Variants in PPP2R2B observed in about 807,000 individuals in gnomAD.
The protein encoded by PPP2R2B is serine/threonine-protein phosphatase 2A 55 kDa regulatory subunit B beta isoform.
Under a neutral mutation model 46.0 loss-of-function variants are expected in PPP2R2B, and 5 were observed. The observed-to-expected ratio is 0.11, with a 90% confidence interval of 0.06 to 0.23. The LOEUF is 0.23. Among genes scored for constraint, PPP2R2B ranks in the 10% least tolerant of loss-of-function variants. The pLI, the probability that PPP2R2B is intolerant of heterozygous loss-of-function variation, is 1.00. For missense variants in PPP2R2B, 367 were observed against 575.0 expected (o/e 0.64, Z 3.70); for synonymous variants, 215 against 206.7 (o/e 1.04, Z -0.34).
intron 2 of PPP2R2B, among the ~76,000 whole-genome samples, chr5:147,077,318 C>A (rs183966367): frequency 5.0e-5 from 7 of 141,004 alleles, no homozygotes; most frequent in South Asian, 2.2e-4. Flanking sequence ...ACACCCACAC[C>A]CACACCCCTA....
At chr5:146,972,259 T>G (rs147327883) in intron 1 of PPP2R2B, among the ~76,000 whole-genome samples, 14 of 152,324 alleles carry the variant, frequency 9.2e-5, no homozygotes, top group Non-Finnish European at 1.9e-4. Flanking sequence ...TCATGTCATA[T>G]CAGATGGTAG....
At chr5:146,818,446 C>G (rs1439099957) in intron 2 of PPP2R2B, among the ~76,000 whole-genome samples, 3 of 152,122 alleles carry the variant, frequency 2.0e-5, no homozygotes. Context: ...TTTCTCCTCA[C>G]TCTTATTCCA....
intron 1 of PPP2R2B, among the ~76,000 whole-genome samples, chr5:147,021,561 C>T (rs1456350997): frequency 6.6e-6 from 1 of 152,124 alleles, no homozygotes; most frequent in Non-Finnish European, 1.5e-5. Context: ...GAGAGAGCTT[C>T]CATGTGAGAT....
chr5:147,027,888 G>T (rs553890224), intron 1 of PPP2R2B, among the ~76,000 whole-genome samples: 127 of 152,260 alleles, frequency 8.3e-4, no homozygotes, highest in Non-Finnish European at 1.5e-3. Flanking sequence ...TGGTGCTTAA[G>T]TGTCTCTTTT....
intron 1 of PPP2R2B, among the ~76,000 whole-genome samples, chr5:147,008,265 C>T (rs1230706148): frequency 6.6e-6 from 1 of 152,060 alleles, no homozygotes; most frequent in Non-Finnish European, 1.5e-5. Context: ...GACTTTTTGT[C>T]AGGCTCTAGT....
intron 2 of PPP2R2B, chr5:146,856,630 G>A (rs1582280702): frequency 2.2e-6 from 3 of 1,387,254 alleles, no homozygotes; most frequent in Non-Finnish European, 3.1e-6. Context: ...AGGTAGTGAT[G>A]CTTCAACTTT....
chr5:146,600,227 G>A, intron 8 of PPP2R2B, 64 bp downstream of exon 8: 3 of 1,546,606 alleles, frequency 1.9e-6, no homozygotes, highest in Admixed American at 1.9e-5. Flanking sequence ...TTGGAAGCAG[G>A]GGCTGACTTA....
chr5:147,071,675 C>A (rs1757604792), intron 2 of PPP2R2B, among the ~76,000 whole-genome samples: 1 of 152,120 alleles, frequency 6.6e-6, no homozygotes, highest in African/African-American at 2.4e-5. Flanking sequence ...GCTCAAATGT[C>A]ATCTTTTGCA....
At chr5:146,665,427 T>A (rs1380013849) in intron 5 of PPP2R2B, among the ~76,000 whole-genome samples, 2 of 152,236 alleles carry the variant, frequency 1.3e-5, no homozygotes, top group Non-Finnish European at 2.9e-5. Flanking sequence ...CCAAATTTTT[T>A]ATTCTGCAGC....
rs114881776 is a variant in PPP2R2B at position 146,605,904 on chromosome 5, C to T, written c.791-5444G>A. 8.5e-3 allele frequency among the ~76,000 whole-genome samples: 1,290 copies of T among 152,118 alleles called. 24 individuals are homozygous for T. Among genetic ancestry groups the T allele is most frequent in the African/African-American group, 0.029 (1,200 of 41,484 alleles). ...GGCTATCTTATGTGCCTTGTGTAGA[C>T]GTGTTTTCTGTTATAACATGTACAG... On this transcript the variant is annotated intron_variant, in intron 7 of 9. Coordinates refer to ENST00000394411, the MANE Select transcript of PPP2R2B (RefSeq NM_181675.4).
chr5:147,020,755 A>G (rs1755222927), intron 1 of PPP2R2B, among the ~76,000 whole-genome samples: 1 of 152,164 alleles, frequency 6.6e-6, no homozygotes, highest in African/African-American at 2.4e-5. Flanking sequence ...TCTAATGAGA[A>G]CAGTACTGAT....
chr5:146,694,811 A>G (rs976072332), intron 4 of PPP2R2B, among the ~76,000 whole-genome samples: 1 of 152,078 alleles, frequency 6.6e-6, no homozygotes, highest in Non-Finnish European at 1.5e-5. Context: ...TTTCTTTTAT[A>G]TTTATGTATA....
intron 2 of PPP2R2B, among the ~76,000 whole-genome samples, chr5:146,855,642 T>C (rs1760614379): frequency 6.6e-6 from 1 of 152,192 alleles, no homozygotes; most frequent in Non-Finnish European, 1.5e-5. Flanking sequence ...CTTCTGAATG[T>C]TGTACTCTTT....
chr5:146,820,690 C>T (rs1758202674), intron 2 of PPP2R2B, among the ~76,000 whole-genome samples: 1 of 152,132 alleles, frequency 6.6e-6, no homozygotes, highest in Non-Finnish European at 1.5e-5. Context: ...ACACTGATAT[C>T]TCCATGTGGA....
chr5:147,029,843 C>A (rs993703535), intron 1 of PPP2R2B, among the ~76,000 whole-genome samples: 2 of 152,176 alleles, frequency 1.3e-5, no homozygotes, highest in Admixed American at 1.3e-4. Context: ...GCACCTTAAT[C>A]TAGCCTCTGG....
chr5:146,593,067 A>C lies in PPP2R2B; in HGVS notation c.961-5T>G. 1 of 1,603,174 alleles carries C rather than the reference A, an allele frequency of 6.2e-7. No individual in the cohort carries two copies. Among genetic ancestry groups the C allele is most frequent in the Admixed American group, 1.7e-5 (1 of 60,010 alleles). Reference sequence around the variant, plus strand: ...GCTGCGGAGGTAGTCATGAACCTGGAGAGGAAACATATCGAGAAGGTCAGT... The same window carrying C: ...GCTGCGGAGGTAGTCATGAACCTGGCGAGGAAACATATCGAGAAGGTCAGT... On this transcript the variant is annotated splice_polypyrimidine_tract_variant and splice_region_variant and intron_variant, in intron 8 of 9. Coordinates refer to ENST00000394411, the MANE Select transcript of PPP2R2B (RefSeq NM_181675.4).
At chr5:146,666,295 G>A (rs2151114618) in intron 5 of PPP2R2B, among the ~76,000 whole-genome samples, 1 of 152,196 alleles carries the variant, frequency 6.6e-6, no homozygotes, top group East Asian at 1.9e-4. Context: ...ACAGAGAAAG[G>A]TATGGAAAGA....
At chr5:147,022,569 T>A (rs892299519) in intron 1 of PPP2R2B, among the ~76,000 whole-genome samples, 31 of 147,204 alleles carry the variant, frequency 2.1e-4, no homozygotes, top group Non-Finnish European at 4.4e-4. Context: ...AAAAAAAAAA[T>A]CCAAATTTAA....
At chr5:147,033,127 G>T (rs904563595) in intron 1 of PPP2R2B, among the ~76,000 whole-genome samples, 4 of 152,168 alleles carry the variant, frequency 2.6e-5, no homozygotes, top group Non-Finnish European at 5.9e-5. Flanking sequence ...AATTAAGAAT[G>T]CAATCAGTGG....
Sources: allele counts gnomAD v4.1 joint callset (sites outside exome capture counted in the v4.1 genomes callset), GRCh38; gene constraint gnomAD v4.1.1; transcripts MANE v1.5; gene names NCBI Gene and HGNC (gene_info 2026-07-23, HGNC 2026-07-21).